MIPOL1: variants seen among roughly 807,000 people sequenced by gnomAD.
The protein encoded by MIPOL1 is mirror-image polydactyly 1.
MIPOL1 carries 57 observed loss-of-function variants against 60.9 expected under a neutral mutation model. The ratio of observed to expected loss-of-function variants is 0.94; its 90% CI spans 0.76 to 1.17. The LOEUF is 1.17. MIPOL1 is among the 50% of genes most tolerant of loss of function. MIPOL1 has a pLI of 0.00. For synonymous variants in MIPOL1, 179 were observed against 168.8 expected, an observed-to-expected ratio of 1.06 and a Z score of -0.47; for missense variants, 551 against 511.6, an observed-to-expected ratio of 1.08 and a Z score of -0.74.
At chr14:37,523,499 CA>C in intron 12 of MIPOL1, 1 of 419,288 alleles carries the variant, frequency 2.4e-6, no homozygotes, top group Non-Finnish European at 4.2e-6. Flanking sequence ...TATTTCATTC[CA>C]AATAAAAAAG....
intron 3 of MIPOL1, among the ~76,000 whole-genome samples, chr14:37,259,653 A>C (rs2082378463): frequency 6.6e-6 from 1 of 152,194 alleles, no homozygotes; most frequent in South Asian, 2.1e-4. Flanking sequence ...TGAGCACTTA[A>C]AATCTGGGTA....
intron 10 of MIPOL1, among the ~76,000 whole-genome samples, chr14:37,414,431 C>T (rs2093729419): frequency 6.6e-6 from 1 of 152,138 alleles, no homozygotes; most frequent in African/African-American, 2.4e-5. Flanking sequence ...TCCCTGAAAA[C>T]TAGTGATGTT....
At chr14:37,330,588 A>G (rs771201962) in intron 9 of MIPOL1, among the ~76,000 whole-genome samples, 2 of 152,166 alleles carry the variant, frequency 1.3e-5, no homozygotes, top group Non-Finnish European at 2.9e-5. Context: ...TGTTAAACCC[A>G]ATGGCTATCC....
At chr14:37,230,197 A>C (rs1970404874) in intron 1 of MIPOL1, among the ~76,000 whole-genome samples, 1 of 152,240 alleles carries the variant, frequency 6.6e-6, no homozygotes, top group Non-Finnish European at 1.5e-5. Context: ...GTCAAGATAC[A>C]TAAATATGCA....
intron 7 of MIPOL1, among the ~76,000 whole-genome samples, chr14:37,306,791 T>C (rs907389760): frequency 3.3e-5 from 5 of 151,970 alleles, no homozygotes; most frequent in African/African-American, 1.2e-4. Flanking sequence ...TAGAGCAAAC[T>C]TTTGTTAGGC....
intron 11 of MIPOL1, among the ~76,000 whole-genome samples, chr14:37,472,665 C>T (rs1189850480): frequency 6.6e-6 from 1 of 152,046 alleles, no homozygotes; most frequent in Non-Finnish European, 1.5e-5. Flanking sequence ...ATAGTGAGAA[C>T]ATCTTATTTT....
At chr14:37,539,672 T>G (rs1410891961) in intron 12 of MIPOL1, among the ~76,000 whole-genome samples, 3 of 152,216 alleles carry the variant, frequency 2.0e-5, no homozygotes, top group Non-Finnish European at 4.4e-5. Flanking sequence ...AACAATTTTC[T>G]TAACATTTTG....
chr14:37,387,455 G>C (rs1335231593), intron 10 of MIPOL1, among the ~76,000 whole-genome samples: 1 of 151,774 alleles, frequency 6.6e-6, no homozygotes, highest in African/African-American at 2.4e-5. Flanking sequence ...GAAGTAAAGG[G>C]GAGGAAGGAT....
intron 1 of MIPOL1, among the ~76,000 whole-genome samples, chr14:37,210,573 G>A (rs1212533134): frequency 1.3e-5 from 2 of 152,064 alleles, no homozygotes; most frequent in African/African-American, 2.4e-5. Context: ...CAGTCTCCTC[G>A]AAGGCTTGAA....
intron 11 of MIPOL1, among the ~76,000 whole-genome samples, chr14:37,457,026 T>G (rs1456298576): frequency 6.6e-6 from 1 of 152,188 alleles, no homozygotes; most frequent in African/African-American, 2.4e-5. Flanking sequence ...CAATATATAC[T>G]TTGTTGATAA....
Position 37,406,155 on chromosome 14 carries a change from G to C in MIPOL1, c.937-16700G>C, listed in dbSNP as rs148166882. On this transcript the variant is annotated intron_variant, in intron 10 of 12. Transcript: ENST00000684589. ...CAGCAAGTCCTTAGCTAAAATGATA[G>C]ACAAGTTCACTTGATTAAACCTGCT... 5.6e-3 allele frequency among the ~76,000 whole-genome samples: 847 copies of C among 152,118 alleles called. 14 individuals carry two copies. Among genetic ancestry groups the C allele is most frequent in the Non-Finnish European group, 6.5e-3 (444 of 67,946 alleles).
At chr14:37,472,606 GTAAAGA>G (rs2094704362) in intron 11 of MIPOL1, among the ~76,000 whole-genome samples, 1 of 152,042 alleles carries the variant, frequency 6.6e-6, no homozygotes, top group African/African-American at 2.4e-5. Context: ...GAAAAATCTT[GTAAAGA>G]TAATTTTATC....
intron 1 of MIPOL1, among the ~76,000 whole-genome samples, chr14:37,239,532 AAG>A (rs1000553251): frequency 2.0e-5 from 3 of 152,224 alleles, no homozygotes; most frequent in Admixed American, 6.5e-5. Flanking sequence ...TGGTAAAAAA[AAG>A]AGTACAACAC....
intron 11 of MIPOL1, among the ~76,000 whole-genome samples, chr14:37,467,753 C>G (rs1418408076): frequency 6.6e-6 from 1 of 152,050 alleles, no homozygotes; most frequent in Non-Finnish European, 1.5e-5. Flanking sequence ...AGTAAAACCT[C>G]TATAAGGTTA....
intron 9 of MIPOL1, among the ~76,000 whole-genome samples, chr14:37,365,305 T>C (rs1469309358): frequency 6.6e-6 from 1 of 152,180 alleles, no homozygotes; most frequent in African/African-American, 2.4e-5. Flanking sequence ...AGGAAAGGCT[T>C]TCAGTTTTTC....
intron 11 of MIPOL1, chr14:37,423,830 G>A (rs979115484): frequency 6.6e-6 from 1 of 152,072 alleles, no homozygotes; most frequent in Admixed American, 6.6e-5. Context: ...ATTATGTCAT[G>A]ATATATCATG....
Position 37,373,129 on chromosome 14 carries a change from G to A in MIPOL1, c.936+3505G>A, listed in dbSNP as rs138428924. Reference sequence around the variant, plus strand: ...AGTCATTCTCCGGCCTCAGCCTCCTGAGTAGCTGAGATTACAGGCATGCAC... The same window carrying A: ...AGTCATTCTCCGGCCTCAGCCTCCTAAGTAGCTGAGATTACAGGCATGCAC... On this transcript the variant is annotated intron_variant, in intron 10 of 12. Transcript: ENST00000684589. 2.7e-3 allele frequency among the ~76,000 whole-genome samples: 404 copies of A among 152,050 alleles called. 4 individuals carry two copies. Among genetic ancestry groups the A allele is most frequent in the East Asian group, 0.026 (132 of 5,116 alleles).
chr14:37,402,017 T>C (rs1315169293), intron 10 of MIPOL1: 1 of 152,016 alleles, frequency 6.6e-6, no homozygotes, highest in African/African-American at 2.4e-5. Flanking sequence ...ATATCACTTA[T>C]GAGATGGTGC....
intron 11 of MIPOL1, among the ~76,000 whole-genome samples, chr14:37,455,468 C>T (rs1175772710): frequency 6.6e-6 from 1 of 152,140 alleles, no homozygotes; most frequent in Non-Finnish European, 1.5e-5. Context: ...TTCTCATTAT[C>T]TAACCCATGA....
Sources: gnomAD v4.1 joint callset for allele counts (sites outside exome capture counted in the v4.1 genomes callset) on GRCh38, gnomAD v4.1.1 for gene constraint, MANE v1.5 for transcripts, NCBI Gene and HGNC (gene_info 2026-07-23, HGNC 2026-07-21) for gene names.